The following STK33 variants were observed in gnomAD, a reference collection of about 807,000 sequenced individuals.
STK33 encodes the protein serine/threonine kinase 33, also known as serine/threonine-protein kinase 33.
Under a neutral mutation model 58.0 loss-of-function variants are expected in STK33, and 52 were observed. That is an observed-to-expected ratio of 0.90 (90% CI 0.72 to 1.13). The LOEUF is 1.13. Among genes scored for constraint, STK33 ranks in the 50% most tolerant of loss-of-function variants. The probability of loss-of-function intolerance (pLI) is 0.00; values close to 1 mark genes in which losing one functional copy is unlikely to be tolerated. For synonymous variants in STK33, 215 were observed against 200.1 expected (o/e 1.07, Z -0.63); for missense variants, 630 against 604.2 (o/e 1.04, Z -0.45).
intron 15 of STK33, among the ~76,000 whole-genome samples, chr11:8,400,039 T>A (rs1410585483): frequency 6.6e-6 from 1 of 152,092 alleles, no homozygotes; most frequent in Middle Eastern, 3.2e-3. Context: ...CTACCAGAGG[T>A]ACAAAGAGGA....
At chr11:8,376,974 C>T in the STK33 span, among the ~76,000 whole-genome samples, 36 of 152,324 alleles carry the variant, frequency 2.4e-4, no homozygotes, top group African/African-American at 6.0e-4. Flanking sequence ...TAGAAGCCTT[C>T]GTAACCTCCC....
At chr11:8,463,666 A>G (rs887873079) in intron 7 of STK33, among the ~76,000 whole-genome samples, 2 of 152,190 alleles carry the variant, frequency 1.3e-5, no homozygotes, top group African/African-American at 4.8e-5. Flanking sequence ...CCTGAATATA[A>G]CACAATATTA....
chr11:8,406,774 T>C (rs1192432258), intron 15 of STK33, among the ~76,000 whole-genome samples: 2 of 152,156 alleles, frequency 1.3e-5, no homozygotes, highest in African/African-American at 4.8e-5. Flanking sequence ...AAACATGTCA[T>C]CTGCAAGTAA....
At chr11:8,466,556 T>C (rs1389542657) in intron 6 of STK33, 2 of 152,238 alleles carry the variant, frequency 1.3e-5, no homozygotes, top group African/African-American at 2.4e-5. Context: ...CCTGTAGCTT[T>C]GCAAGGTACA....
intron 1 of STK33, among the ~76,000 whole-genome samples, chr11:8,537,795 G>C (rs1955159874): frequency 7.1e-6 from 1 of 140,426 alleles, no homozygotes; most frequent in Non-Finnish European, 1.5e-5. Context: ...GGGGAACAGA[G>C]CGAGACTCTG....
chr11:8,493,625 C>G (rs1226255038), intron 1 of STK33, among the ~76,000 whole-genome samples: 1 of 152,146 alleles, frequency 6.6e-6, no homozygotes, highest in Admixed American at 6.5e-5. Context: ...GATACCAAAG[C>G]CTGGCAGAGA....
intron 2 of STK33, among the ~76,000 whole-genome samples, chr11:8,477,739 T>G (rs1949417676): frequency 6.6e-6 from 1 of 152,320 alleles, no homozygotes; most frequent in Admixed American, 6.5e-5. Context: ...TTTTCATCAA[T>G]TTTTCAATAA....
chr11:8,381,516 A>C, the STK33 span, among the ~76,000 whole-genome samples: 1 of 152,118 alleles, frequency 6.6e-6, no homozygotes, highest in African/African-American at 2.4e-5. Flanking sequence ...TCCCCAAATA[A>C]GGATCCCACA....
In STK33 at chr11:8,440,754, C is replaced by A. The variant is rs867094726; in HGVS notation, c.872-1G>T. 2 of 1,561,410 alleles carry A rather than the reference C, an allele frequency of 1.3e-6. No homozygotes were observed. Reference sequence around the variant, plus strand: ...TCGTGGGCACTGATAACTTCAGGGGCTGCCAAACAAGCAGATATAAAATAA... The same window carrying A: ...TCGTGGGCACTGATAACTTCAGGGGATGCCAAACAAGCAGATATAAAATAA... On this transcript the variant is annotated splice_acceptor_variant, in intron 11 of 15. Coordinates refer to ENST00000687296, the MANE Select transcript of STK33 (RefSeq NM_001352389.2). LOFTEE classifies it high-confidence loss of function.
intron 15 of STK33, among the ~76,000 whole-genome samples, chr11:8,398,577 T>C (rs570719526): frequency 3.5e-3 from 535 of 152,234 alleles, no homozygotes; most frequent in Middle Eastern, 6.8e-3. Context: ...AACCAGCTAA[T>C]ATCATAATGA....
intron 15 of STK33, among the ~76,000 whole-genome samples, chr11:8,398,695 G>C (rs1459048283): frequency 6.6e-6 from 1 of 152,004 alleles, no homozygotes; most frequent in Non-Finnish European, 1.5e-5. Flanking sequence ...AGATCCATCA[G>C]TGTGCTGTAT....
chr11:8,480,280 G>A (rs1398285070), intron 2 of STK33, among the ~76,000 whole-genome samples, 130 bp downstream of exon 2: 2 of 152,166 alleles, frequency 1.3e-5, no homozygotes, highest in Non-Finnish European at 2.9e-5. Context: ...AGCAATGGGG[G>A]AATTTAAGCA....
intron 1 of STK33, among the ~76,000 whole-genome samples, chr11:8,588,536 A>T (rs2032086365): frequency 6.6e-6 from 1 of 152,214 alleles, no homozygotes; most frequent in African/African-American, 2.4e-5. Flanking sequence ...CTCAAAATGG[A>T]TCCAAAATCT....
At chr11:8,425,838 G>T (rs568829996) in intron 14 of STK33, among the ~76,000 whole-genome samples, 1 of 142,478 alleles carries the variant, frequency 7.0e-6, no homozygotes, top group East Asian at 2.3e-4. Context: ...GGCATGCAGT[G>T]GGGGGTGTGG....
At chr11:8,382,473 C>G in the STK33 span, among the ~76,000 whole-genome samples, 5 of 152,224 alleles carry the variant, frequency 3.3e-5, no homozygotes, top group Non-Finnish European at 7.3e-5. Flanking sequence ...CAGGGGAGGG[C>G]GCTCAGAGTC....
the STK33 span, among the ~76,000 whole-genome samples, chr11:8,341,633 C>A: frequency 6.6e-6 from 1 of 152,164 alleles, no homozygotes; most frequent in Non-Finnish European, 1.5e-5. Context: ...CCAGAGAATA[C>A]CAGAGCCAAG....
intron 14 of STK33, among the ~76,000 whole-genome samples, chr11:8,430,773 A>G (rs1171369703): frequency 6.6e-6 from 1 of 152,156 alleles, no homozygotes; most frequent in Non-Finnish European, 1.5e-5. Flanking sequence ...GTAGCTATCC[A>G]ATAAATATTT....
At chr11:8,454,631 T>G in intron 10 of STK33, 113 bp downstream of exon 10, 1 of 1,294,444 alleles carries the variant, frequency 7.7e-7, no homozygotes, top group South Asian at 1.5e-5. Flanking sequence ...CACAAGCCAC[T>G]TATTTTCTGG....
intron 1 of STK33, among the ~76,000 whole-genome samples, chr11:8,521,475 T>C (rs1243165931): frequency 2.0e-5 from 3 of 152,046 alleles, no homozygotes; most frequent in Non-Finnish European, 2.9e-5. Context: ...AAAAATTAAT[T>C]CAAGATGGAG....
Sources: gnomAD v4.1 joint callset for allele counts (sites outside exome capture counted in the v4.1 genomes callset) on GRCh38, gnomAD v4.1.1 for gene constraint, MANE v1.5 for transcripts, NCBI Gene and HGNC (gene_info 2026-07-23, HGNC 2026-07-21) for gene names.